Variants in USP45 observed in about 807,000 individuals in gnomAD.
USP45 encodes the protein ubiquitin specific peptidase 45.
Under a neutral mutation model 95.8 loss-of-function variants are expected in USP45, and 89 were observed. The ratio of observed to expected loss-of-function variants is 0.93; its 90% CI spans 0.78 to 1.11. The LOEUF is 1.11. USP45 is among the 50% of genes least tolerant of loss of function. USP45 has a pLI of 0.00. For missense variants in USP45, 898 were observed against 942.5 expected (o/e 0.95, Z 0.62); for synonymous variants, 281 against 316.2 (o/e 0.89, Z 1.18).
intron 8 of USP45, among the ~76,000 whole-genome samples, chr6:99,479,489 C>A (rs966708971): frequency 2.0e-5 from 3 of 150,984 alleles, no homozygotes; most frequent in Admixed American, 6.7e-5. Context: ...GCATGAGCCA[C>A]TGTGTCTGGC....
intron 5 of USP45, chr6:99,501,807 T>C (rs1366531387): frequency 1.1e-5 from 8 of 734,896 alleles, no homozygotes; most frequent in Middle Eastern, 5.0e-4. Flanking sequence ...ATTACTGTTA[T>C]ATAATAAAGG....
rs1251167895 is a variant in USP45, at chr6:99,432,995, TC to T, written c.*2720del. 4 of 152,318 alleles carry T rather than the reference TC, an allele frequency of 2.6e-5. No homozygotes were observed. The highest frequency in any genetic ancestry group is 5.9e-5 in the Non-Finnish European group (4 of 68,042). 9.4% of individuals were successfully genotyped at this position (152,318 alleles called of 1,614,324 possible). The stretch of plus-strand genomic sequence containing the variant: ...TTCTTTGAATTGATACCAACTGTCT[TC>T]TTTTTATTTATTTTTGAGACAGGGT... On this transcript the variant is annotated 3_prime_UTR_variant, in exon 18 of 18. Transcript: ENST00000500704.
In USP45 at chr6:99,434,967, C is replaced by A. The variant is rs1780234519; in HGVS notation, c.*749G>T. ...TCAATATAATTCTAGTTTTTCAAAA[C>A]CTCAAGGTAATAAGCTAACCAGCAG... On this transcript the variant is annotated 3_prime_UTR_variant, in exon 18 of 18. Transcript: ENST00000500704. The A allele has an allele frequency of 6.6e-6, 1 of 152,376 alleles. No individual in the cohort carries two copies. Among genetic ancestry groups the A allele is most frequent in the African/African-American group, 2.4e-5 (1 of 41,428 alleles). The allele number at this position is 152,376 out of a possible 1,614,324, so 9.4% of individuals were successfully genotyped here.
At chr6:99,509,824 A>G (rs1222997176) in intron 2 of USP45, among the ~76,000 whole-genome samples, 1 of 152,204 alleles carries the variant, frequency 6.6e-6, no homozygotes, top group East Asian at 1.9e-4. Context: ...GTCTTCCCTC[A>G]GATACTTGAG....
intron 9 of USP45, among the ~76,000 whole-genome samples, chr6:99,472,935 C>T (rs1300978558): frequency 6.6e-6 from 1 of 152,114 alleles, no homozygotes; most frequent in Non-Finnish European, 1.5e-5. Context: ...AAGCTCAACT[C>T]TAAGTATCAG....
Position 99,503,867 on chromosome 6 carries a change from T to C in USP45, c.378-2A>G, listed in dbSNP as rs1797940055. 2 of 1,535,598 alleles carry C rather than the reference T, an allele frequency of 1.3e-6. No individual in the cohort carries two copies. The highest frequency in any genetic ancestry group is 2.8e-5 in the African/African-American group (2 of 71,946). On this transcript the variant is annotated splice_acceptor_variant, in intron 4 of 17. Coordinates refer to ENST00000500704, the MANE Select transcript of USP45 (RefSeq NM_001346022.3). LOFTEE classifies it high-confidence loss of function. ...AATTTTTCATCACATTCATAACACC[T>C]GAAAAAGTATAAAATTTAAGAAAAT...
chr6:99,458,075 C>T (rs1785484958), intron 13 of USP45, among the ~76,000 whole-genome samples: 1 of 152,148 alleles, frequency 6.6e-6, no homozygotes, highest in Admixed American at 6.5e-5. Flanking sequence ...GGCTGGAGTG[C>T]AGTAGCGCAA....
At chr6:99,465,655 C>G (rs567975078) in intron 11 of USP45, among the ~76,000 whole-genome samples, 1 of 152,250 alleles carries the variant, frequency 6.6e-6, no homozygotes, top group South Asian at 2.1e-4. Context: ...TTCAATGTGA[C>G]AGGCTAGAAT....
chr6:99,492,926 T>G (rs1795506727), intron 5 of USP45, among the ~76,000 whole-genome samples: 1 of 152,234 alleles, frequency 6.6e-6, no homozygotes, highest in South Asian at 2.1e-4. Flanking sequence ...TATCAGGCAC[T>G]ATATGAACCA....
At chr6:99,459,570 T>C (rs7760472) in intron 13 of USP45, among the ~76,000 whole-genome samples, 68,976 of 152,062 alleles carry the variant, frequency 0.45, 16,556 homozygotes, top group Non-Finnish European at 0.53. Context: ...CACTGCTTTC[T>C]GCAACGGTTG....
chr6:99,512,697 T>C (rs1347658931), intron 1 of USP45, among the ~76,000 whole-genome samples: 1 of 152,214 alleles, frequency 6.6e-6, no homozygotes, highest in African/African-American at 2.4e-5. Context: ...AAGTTTACCA[T>C]TAAGTCCAAC....
chr6:99,443,607 A>G lies in USP45; in HGVS notation c.2031T>C (p.Ala677=), dbSNP rs1686215365. The change falls in exon 15 of 18, where the codon GCT becomes GCC. Residue 677 remains alanine, a synonymous_variant. Coordinates refer to ENST00000500704, the MANE Select transcript of USP45 (RefSeq NM_001346022.3). ...TNARKQLLIS[A]VPAVLILHLK... is the part of the protein sequence containing the mutation. ...GGTGGAGAATTAGGACAGCTGGAAC[A>G]GCAGAAATGAGCAATTGCTTCCTGG... 1 of 1,609,642 alleles carries G rather than the reference A, an allele frequency of 6.2e-7. No individual in the cohort carries two copies. The highest frequency in any genetic ancestry group is 1.1e-5 in the South Asian group (1 of 89,986).
intron 13 of USP45, among the ~76,000 whole-genome samples, chr6:99,455,518 CACT>C (rs1204644164): frequency 6.6e-6 from 1 of 152,026 alleles, no homozygotes; most frequent in Non-Finnish European, 1.5e-5. Context: ...CCAGCAATCC[CACT>C]ACTAGACATT....
At chr6:99,503,725 G>T in intron 5 of USP45, 40 bp downstream of exon 5, 1 of 1,327,668 alleles carries the variant, frequency 7.5e-7, no homozygotes, top group South Asian at 1.3e-5. Context: ...ATGAAATACT[G>T]TATTTTAACA....
Sources: allele counts gnomAD v4.1 joint callset (sites outside exome capture counted in the v4.1 genomes callset), GRCh38; gene constraint gnomAD v4.1.1; transcripts MANE v1.5; gene names NCBI Gene and HGNC (gene_info 2026-07-23, HGNC 2026-07-21).